The following CAMSAP1 variants were observed in gnomAD, a reference collection of about 807,000 sequenced individuals.
The protein encoded by CAMSAP1 is calmodulin-regulated spectrin-associated protein 1.
A neutral mutation model predicts 143.5 loss-of-function variants in CAMSAP1; 58 were observed. That is an observed-to-expected ratio of 0.40 (90% CI 0.33 to 0.50). CAMSAP1 has a LOEUF of 0.50. Ranked by LOEUF, CAMSAP1 falls within the 20% of genes least tolerant of loss-of-function variation. The probability of loss-of-function intolerance (pLI) is 0.45; values close to 1 mark genes in which losing one functional copy is unlikely to be tolerated. For missense variants in CAMSAP1, 1,969 were observed against 2,115.7 expected, an observed-to-expected ratio of 0.93 and a Z score of 1.36; for synonymous variants, 945 against 859.3, an observed-to-expected ratio of 1.10 and a Z score of -1.74.
chr9:135,868,312 G>A (rs1837453548), intron 3 of CAMSAP1, among the ~76,000 whole-genome samples: 1 of 152,170 alleles, frequency 6.6e-6, no homozygotes, highest in African/African-American at 2.4e-5. Context: ...CACCTCTCCT[G>A]TGGTCCAAAT....
At chr9:135,877,658 T>C (rs1837799884) in intron 3 of CAMSAP1, among the ~76,000 whole-genome samples, 1 of 151,878 alleles carries the variant, frequency 6.6e-6, no homozygotes, top group Non-Finnish European at 1.5e-5. Context: ...AAAAATTTTT[T>C]TTAATCAGCC....
At chr9:135,896,289 C>T (rs1382867199) in intron 1 of CAMSAP1, among the ~76,000 whole-genome samples, 2 of 151,644 alleles carry the variant, frequency 1.3e-5, no homozygotes, top group African/African-American at 4.8e-5. Flanking sequence ...TTACGAGAGG[C>T]AAAAAGGGAC....
At chr9:135,876,400 G>C (rs1837749830) in intron 3 of CAMSAP1, among the ~76,000 whole-genome samples, 1 of 151,618 alleles carries the variant, frequency 6.6e-6, no homozygotes. Context: ...AGACAACCCA[G>C]TTAAAAATTC....
chr9:135,855,891 A>G (rs1394232973), intron 5 of CAMSAP1, among the ~76,000 whole-genome samples: 1 of 152,136 alleles, frequency 6.6e-6, no homozygotes, highest in Admixed American at 6.5e-5. Flanking sequence ...TCTCTACTAA[A>G]AATACAAAAA....
Position 135,820,838 on chromosome 9 carries a change from C to T in CAMSAP1, c.3822+1G>A. The T allele has an allele frequency of 6.2e-7, 1 of 1,612,240 alleles. No homozygotes were observed. The highest frequency in any genetic ancestry group is 8.5e-7 in the Non-Finnish European group (1 of 1,179,700). On this transcript the variant is annotated splice_donor_variant, in intron 11 of 16. Coordinates refer to ENST00000389532, the MANE Select transcript of CAMSAP1 (RefSeq NM_015447.4). LOFTEE classifies it high-confidence loss of function. The surrounding 1 kb of genome is among the most constrained non-coding windows in gnomAD (Gnocchi z 4.4). ...TGAAACAGATGCTACCAATCCCTTA[C>T]CTTGAAGAAGAAGCCGACCCCCGGC...
chr9:135,850,434 A>G lies in CAMSAP1; in HGVS notation c.836T>C (p.Met279Thr), dbSNP rs1836734737. 6.3e-7 allele frequency: 1 copy of G among 1,599,526 alleles called. No individual in the cohort carries two copies. The highest frequency in any genetic ancestry group is 8.5e-7 in the Non-Finnish European group (1 of 1,175,738). ...CCGAATATTATACAGACTGTCGGCC[A>G]TCGACGTTACCTCCTTTAAGCATAT... is the stretch of plus-strand genomic sequence containing the variant. ...DDICLKEVTS[M>T]ADSLYNIRLL... The change falls in exon 6 of 17, where the codon ATG becomes ACG. Residue 279 changes from methionine to threonine, a missense_variant. By Grantham distance (81) the Met-to-Thr change is moderately conservative (BLOSUM62 -1). Transcript: ENST00000389532.
At position 135,821,097 on chromosome 9, in the gene CAMSAP1, G is replaced by C. The variant is rs1835436061; in HGVS notation, c.3564C>G (p.Ala1188=). 1 of 1,613,852 alleles carries C rather than the reference G, an allele frequency of 6.2e-7. No homozygotes were observed. Among genetic ancestry groups the C allele is most frequent in the Non-Finnish European group, 8.5e-7 (1 of 1,179,894 alleles). The change falls in exon 11 of 17, where the codon GCC becomes GCG. Residue 1188 remains alanine, a synonymous_variant. Transcript: ENST00000389532. The surrounding 1 kb of genome is among the most constrained non-coding windows in gnomAD (Gnocchi z 4.6). ...RTLTLSSSKD[A]NILSEQMSLK... is the part of the protein sequence containing the mutation. The stretch of plus-strand genomic sequence containing the variant: ...GGCTCATCTGCTCCGAAAGAATGTT[G>C]GCATCTTTGGAAGAGGACAGAGTAA...
chr9:135,898,080 C>A (rs1023738558), intron 1 of CAMSAP1, among the ~76,000 whole-genome samples: 1 of 152,112 alleles, frequency 6.6e-6, no homozygotes, highest in Non-Finnish European at 1.5e-5. Flanking sequence ...GGTCTCAAAT[C>A]ATTAATACAA....
intron 3 of CAMSAP1, among the ~76,000 whole-genome samples, chr9:135,872,136 G>GT (rs1457757095): frequency 6.6e-6 from 1 of 151,968 alleles, no homozygotes; most frequent in East Asian, 1.9e-4. Flanking sequence ...AGACCAAACT[G>GT]TGTGAAACTC....
At position 135,826,023 on chromosome 9, in the gene CAMSAP1, C is replaced by T. The variant is rs867911309; in HGVS notation, c.1224-1143G>A. 6.6e-6 allele frequency: 1 copy of T among 152,250 alleles called. No homozygotes were observed. Among genetic ancestry groups the T allele is most frequent in the Admixed American group, 6.5e-5 (1 of 15,272 alleles). 9.4% of individuals were successfully genotyped at this position (152,250 alleles called of 1,614,324 possible). Reference sequence around the variant, plus strand: ...AATGCAAACCCTGCAGCCTGGACACCGTGGGGACAGTGGACCCATCACGGC... The same window carrying T: ...AATGCAAACCCTGCAGCCTGGACACTGTGGGGACAGTGGACCCATCACGGC... On this transcript the variant is annotated intron_variant, in intron 8 of 16. Transcript: ENST00000389532. This position sits in a 1 kb window ranked among gnomAD's most constrained non-coding sequence, Gnocchi z 4.4.
At chr9:135,869,625 G>C (rs1432265698) in intron 3 of CAMSAP1, among the ~76,000 whole-genome samples, 1 of 152,052 alleles carries the variant, frequency 6.6e-6, no homozygotes, top group African/African-American at 2.4e-5. Context: ...AGACAGTCTG[G>C]AAGTTCCTCA....
chr9:135,885,865 C>T (rs1031921747), intron 1 of CAMSAP1, among the ~76,000 whole-genome samples: 1 of 152,138 alleles, frequency 6.6e-6, no homozygotes, highest in South Asian at 2.1e-4. Flanking sequence ...CCTTTCCATC[C>T]GGCCTAAGGA....
intron 8 of CAMSAP1, among the ~76,000 whole-genome samples, chr9:135,825,521 G>A (rs1835641521): frequency 6.6e-6 from 1 of 152,196 alleles, no homozygotes; most frequent in Non-Finnish European, 1.5e-5. Context: ...AGAAGCATGG[G>A]TGTGAAGGCC....
chr9:135,851,036 C>T (rs542998571), intron 5 of CAMSAP1, among the ~76,000 whole-genome samples: 2 of 152,288 alleles, frequency 1.3e-5, no homozygotes, highest in African/African-American at 2.4e-5. Context: ...TTCCATTGCA[C>T]GTGACTTTGC....
chr9:135,825,154 A>G (rs1458166157), intron 8 of CAMSAP1, among the ~76,000 whole-genome samples: 1 of 152,176 alleles, frequency 6.6e-6, no homozygotes, highest in Non-Finnish European at 1.5e-5. Flanking sequence ...CAAGCGTGCA[A>G]TTAGAGTGAT....
chr9:135,877,117 T>C (rs1047328760), intron 3 of CAMSAP1, among the ~76,000 whole-genome samples: 1 of 152,050 alleles, frequency 6.6e-6, no homozygotes, highest in Non-Finnish European at 1.5e-5. Flanking sequence ...GGTGGACAGA[T>C]AAACGAACCA....
intron 7 of CAMSAP1, among the ~76,000 whole-genome samples, chr9:135,838,280 C>A (rs1249367746): frequency 6.8e-6 from 1 of 147,444 alleles, no homozygotes; most frequent in African/African-American, 2.5e-5. Flanking sequence ...CACTTTCTAC[C>A]CACTGTACAG....
intron 5 of CAMSAP1, among the ~76,000 whole-genome samples, chr9:135,855,418 T>C (rs775627809): frequency 6.6e-6 from 1 of 152,216 alleles, no homozygotes; most frequent in South Asian, 2.1e-4. Context: ...TCCTTTTCTA[T>C]TGCTGCATGC....
At chr9:135,900,600 C>G (rs1356958883) in intron 1 of CAMSAP1, among the ~76,000 whole-genome samples, 1 of 151,526 alleles carries the variant, frequency 6.6e-6, no homozygotes, top group Non-Finnish European at 1.5e-5. Flanking sequence ...GAGGCCGAGG[C>G]AGGAGAATGG....
Sources: allele counts gnomAD v4.1 joint callset (sites outside exome capture counted in the v4.1 genomes callset), GRCh38; gene constraint gnomAD v4.1.1; non-coding constraint Gnocchi (gnomAD v3.1); transcripts MANE v1.5; gene names NCBI Gene and HGNC (gene_info 2026-07-23, HGNC 2026-07-21).